PKD1L1: variants seen among roughly 807,000 people sequenced by gnomAD.
The protein encoded by PKD1L1 is polycystin 1 like 1, transient receptor potential channel interacting.
PKD1L1 carries 236 observed loss-of-function variants against 323.4 expected under a neutral mutation model. That is an observed-to-expected ratio of 0.73 (90% confidence interval 0.66 to 0.81). The LOEUF (loss-of-function observed/expected upper bound fraction) is 0.81, where lower values mean the gene tolerates loss of function less well. Among genes scored for constraint, PKD1L1 ranks in the 40% least tolerant of loss-of-function variants. The probability of loss-of-function intolerance (pLI) is 0.00; values close to 1 mark genes in which losing one functional copy is unlikely to be tolerated. For synonymous variants in PKD1L1, 1,344 were observed against 1,335.0 expected (o/e 1.01, Z -0.15); for missense variants, 3,320 against 3,508.0 (o/e 0.95, Z 1.35).
chr7:47,813,457 G>A (rs1784946290), intron 48 of PKD1L1, 164 bp from the exon 49 acceptor site: 2 of 790,718 alleles, frequency 2.5e-6, no homozygotes, highest in Non-Finnish European at 4.3e-6. Context: ...GTGGTCTACA[G>A]ACTCTAGCTC....
At chr7:47,795,496 G>A in intron 55 of PKD1L1, 1 of 389,484 alleles carries the variant, frequency 2.6e-6, no homozygotes, top group Non-Finnish European at 5.0e-6. Context: ...GTCTTTATCA[G>A]CAGTATGAAA....
chr7:47,813,450 G>A, intron 48 of PKD1L1, 157 bp from the exon 49 acceptor site: 1 of 821,056 alleles, frequency 1.2e-6, no homozygotes, highest in Non-Finnish European at 2.0e-6. Flanking sequence ...CTGTTTCGTG[G>A]TCTACAGACT....
At chr7:47,867,256 C>A (rs1246736637) in intron 24 of PKD1L1, among the ~76,000 whole-genome samples, 2 of 152,122 alleles carry the variant, frequency 1.3e-5, no homozygotes, top group Non-Finnish European at 2.9e-5. Context: ...GGGCTCTATA[C>A]ACGATGCTTA....
At chr7:47,799,322 G>T (rs570940212) in intron 54 of PKD1L1, among the ~76,000 whole-genome samples, 1 of 152,104 alleles carries the variant, frequency 6.6e-6, no homozygotes. Flanking sequence ...CAAAGGACTC[G>T]GGCCTGAGTG....
Position 47,877,524 on chromosome 7 carries a change from T to C in PKD1L1, c.3628A>G (p.Thr1210Ala). ...GACATGCAGAAGACACTGAAGACGGTGTGTGCTTCCAGACCATGGTGGGGC... is the reference window on the plus strand; with the variant it reads ...GACATGCAGAAGACACTGAAGACGGCGTGTGCTTCCAGACCATGGTGGGGC... ...VQPHHGLEAH[T>A]VFSVFCMSGK... Residue 1210 changes from threonine to alanine, a missense_variant, in exon 22 of 57, where the codon ACC (threonine) becomes GCC (alanine). By Grantham distance (58) the Thr-to-Ala change is moderately conservative (BLOSUM62 0). Coordinates refer to ENST00000289672, the MANE Select transcript of PKD1L1 (RefSeq NM_138295.5). The C allele has an allele frequency of 1.2e-6, 2 of 1,613,738 alleles. No individual in the cohort carries two copies. The highest frequency in any genetic ancestry group is 1.1e-5 in the South Asian group (1 of 91,064).
intron 46 of PKD1L1, chr7:47,818,266 C>A: frequency 8.4e-7 from 1 of 1,195,310 alleles, no homozygotes. Flanking sequence ...CACAGAGATG[C>A]AGTGAAAAGG....
intron 8 of PKD1L1, among the ~76,000 whole-genome samples, chr7:47,912,832 A>AG (rs1276476022): frequency 1.3e-5 from 2 of 151,478 alleles, no homozygotes; most frequent in Non-Finnish European, 2.9e-5. Flanking sequence ...AAAAAAAAAA[A>AG]AAAAAAGAAA....
At chr7:47,848,004 GAA>G (rs1365255186) in intron 31 of PKD1L1, among the ~76,000 whole-genome samples, 1 of 152,060 alleles carries the variant, frequency 6.6e-6, no homozygotes, top group Non-Finnish European at 1.5e-5. Flanking sequence ...TTAAATATAT[GAA>G]AAAATACCCA....
chr7:47,929,582 A>C (rs1049336827), intron 6 of PKD1L1, 56 bp from the exon 7 acceptor site: 2 of 1,491,532 alleles, frequency 1.3e-6, no homozygotes, highest in Non-Finnish European at 1.8e-6. Context: ...CTGGGGTGGG[A>C]GGGCAGAAGC....
In PKD1L1 at chr7:47,813,150, C is replaced by G; in HGVS notation, c.7317G>C (p.Glu2439Asp). 6.2e-7 allele frequency: 1 copy of G among 1,613,862 alleles called. No individual in the cohort carries two copies. Among genetic ancestry groups the G allele is most frequent in the Non-Finnish European group, 8.5e-7 (1 of 1,180,020 alleles). Residue 2439 changes from glutamate (E) to aspartate (D), a missense_variant, in exon 49 of 57, where the codon GAG (glutamate) becomes GAC (aspartate). Glu to Asp is a conservative substitution (Grantham distance 45, BLOSUM62 2). Transcript: ENST00000289672. ...TTCTGCCCAGGCTGAGCACACAGTC[C>G]TCCCTTGTCCCACAGCCCCCAGGAC... ...LNGPGGCGTR[E>D]DCVLSLGRTR... is the part of the protein sequence containing the mutation.
At chr7:47,879,120 G>A (rs747123791) in intron 21 of PKD1L1, among the ~76,000 whole-genome samples, 2 of 152,196 alleles carry the variant, frequency 1.3e-5, no homozygotes, top group South Asian at 2.1e-4. Context: ...AATGCTAAAC[G>A]TGGAAGGGGC....
the PKD1L1 span, among the ~76,000 whole-genome samples, chr7:47,957,862 A>AATATATATATATAT: frequency 3.4e-3 from 460 of 134,670 alleles, 2 homozygotes; most frequent in Non-Finnish European, 5.7e-3. Context: ...ATTAAAAAAA[A>AATATATATATATAT]ATATATATAT....
chr7:47,847,487 A>G (rs1314344893), intron 31 of PKD1L1, among the ~76,000 whole-genome samples: 1 of 152,138 alleles, frequency 6.6e-6, no homozygotes, highest in Non-Finnish European at 1.5e-5. Context: ...AAATTTCAGT[A>G]TACCCAGGGT....
intron 24 of PKD1L1, among the ~76,000 whole-genome samples, chr7:47,870,972 C>CAAA (rs200508432): frequency 4.5e-5 from 3 of 66,138 alleles, no homozygotes; most frequent in Admixed American, 1.7e-4. Context: ...AACCTTGTCT[C>CAAA]AAAAAAAAAA....
chr7:47,795,933 A>G, intron 55 of PKD1L1, 56 bp downstream of exon 55: 1 of 1,553,504 alleles, frequency 6.4e-7, no homozygotes, highest in Non-Finnish European at 8.7e-7. Flanking sequence ...CTGCAATGAA[A>G]CCATCATCTT....
intron 44 of PKD1L1, among the ~76,000 whole-genome samples, chr7:47,828,479 A>C (rs531536452): frequency 3.9e-4 from 59 of 152,176 alleles, no homozygotes; most frequent in African/African-American, 1.3e-3. Context: ...CGGGGGGTGC[A>C]GGAGGAAAGG....
At chr7:47,813,662 G>T in intron 48 of PKD1L1, 2 of 667,460 alleles carry the variant, frequency 3.0e-6, no homozygotes, top group Non-Finnish European at 5.5e-6. Flanking sequence ...TCCTAGTTTT[G>T]CCTAGAATGC....
chr7:47,934,531 C>T (rs1375042233), intron 4 of PKD1L1, among the ~76,000 whole-genome samples: 2 of 152,178 alleles, frequency 1.3e-5, no homozygotes, highest in African/African-American at 2.4e-5. Context: ...CACTTGCTTC[C>T]TATTTTTCCT....
chr7:47,798,905 C>G (rs1197203379), intron 54 of PKD1L1, among the ~76,000 whole-genome samples: 1 of 152,086 alleles, frequency 6.6e-6, no homozygotes, highest in Non-Finnish European at 1.5e-5. Context: ...GAAAAACTGG[C>G]CTTTATCAAA....
Sources: allele counts gnomAD v4.1 joint callset (sites outside exome capture counted in the v4.1 genomes callset), GRCh38; gene constraint gnomAD v4.1.1; transcripts MANE v1.5; gene names NCBI Gene and HGNC (gene_info 2026-07-23, HGNC 2026-07-21).